LRP5: variants seen among roughly 807,000 people sequenced by gnomAD.
LRP5 encodes the protein LDL receptor related protein 5.
LRP5 carries 62 observed loss-of-function variants against 154.1 expected under a neutral mutation model. That is an observed-to-expected ratio of 0.40 (90% CI 0.33 to 0.50). The LOEUF (loss-of-function observed/expected upper bound fraction) is 0.50, where lower values mean the gene tolerates loss of function less well. Ranked by LOEUF, LRP5 falls within the 20% of genes least tolerant of loss-of-function variation. The probability of loss-of-function intolerance (pLI) is 0.55; values close to 1 mark genes in which losing one functional copy is unlikely to be tolerated. For missense variants in LRP5, 1,915 were observed against 2,336.7 expected, an observed-to-expected ratio of 0.82 and a Z score of 3.72; for synonymous variants, 966 against 1,011.5, an observed-to-expected ratio of 0.96 and a Z score of 0.85.
intron 1 of LRP5, among the ~76,000 whole-genome samples, chr11:68,338,510 C>T (rs548574835): frequency 2.6e-5 from 4 of 152,172 alleles, no homozygotes; most frequent in Admixed American, 6.5e-5. Context: ...GGAGGGGCCA[C>T]GAGCTGGCCT....
chr11:68,340,643 C>T (rs1464642539), intron 1 of LRP5, among the ~76,000 whole-genome samples: 4 of 152,042 alleles, frequency 2.6e-5, no homozygotes, highest in Admixed American at 1.3e-4. Context: ...TGGAGTCTGC[C>T]GTCTGCTCTG....
At chr11:68,443,532 C>T (rs1175870673) in intron 21 of LRP5, among the ~76,000 whole-genome samples, 1 of 73,280 alleles carries the variant, frequency 1.4e-5, no homozygotes, top group African/African-American at 4.8e-5. Flanking sequence ...TTATCAATCT[C>T]CTCTTTTATG....
At chr11:68,392,807 A>G (rs1477439698) in intron 7 of LRP5, among the ~76,000 whole-genome samples, 1 of 151,974 alleles carries the variant, frequency 6.6e-6, no homozygotes, top group Non-Finnish European at 1.5e-5. Flanking sequence ...TTCCAGATTC[A>G]CCCACACATT....
chr11:68,407,820 C>G (rs960783189), intron 9 of LRP5, among the ~76,000 whole-genome samples: 3 of 151,936 alleles, frequency 2.0e-5, no homozygotes, highest in African/African-American at 7.3e-5. Context: ...GCACTCCAGC[C>G]TGGGCAACCA....
At chr11:68,312,844 C>G in intron 1 of LRP5, 39 bp downstream of exon 1, 1 of 993,530 alleles carries the variant, frequency 1.0e-6, no homozygotes, top group Non-Finnish European at 1.2e-6. Flanking sequence ...GCGGGTTGCT[C>G]GGACAATGGC....
intron 20 of LRP5, 103 bp from the exon 21 acceptor site, chr11:68,439,674 T>G (rs1490318326): frequency 1.6e-6 from 2 of 1,261,464 alleles, no homozygotes; most frequent in African/African-American, 1.5e-5. Flanking sequence ...CGCCCTGGTC[T>G]GAGTCTCGTG....
chr11:68,437,226 C>T (rs993216436), intron 19 of LRP5, among the ~76,000 whole-genome samples: 1 of 152,172 alleles, frequency 6.6e-6, no homozygotes, highest in Non-Finnish European at 1.5e-5. Flanking sequence ...CCTCAGTGGG[C>T]GGGGCTGATG....
At chr11:68,404,453 G>A (rs1408007455) in intron 8 of LRP5, 4 of 497,168 alleles carry the variant, frequency 8.0e-6, no homozygotes, top group South Asian at 3.1e-5. Flanking sequence ...CCCGTCGGGT[G>A]GATGTGATGT....
chr11:68,320,754 G>T (rs2098596296), intron 1 of LRP5, among the ~76,000 whole-genome samples: 1 of 152,154 alleles, frequency 6.6e-6, no homozygotes, highest in Non-Finnish European at 1.5e-5. Context: ...AAGCCACGGT[G>T]CCAGCCTGTT....
At chr11:68,437,910 C>T (rs918616703) in intron 19 of LRP5, among the ~76,000 whole-genome samples, 16 of 152,370 alleles carry the variant, frequency 1.1e-4, no homozygotes, top group Non-Finnish European at 1.9e-4. Flanking sequence ...ACTTCATCGA[C>T]GCCCTCAGGA....
At chr11:68,439,718 G>A (rs2098677061) in intron 20 of LRP5, 59 bp from the exon 21 acceptor site, 11 of 1,570,850 alleles carry the variant, frequency 7.0e-6, no homozygotes, top group Non-Finnish European at 8.7e-6. Context: ...CCCTATGTCT[G>A]TGGGGCGGCT....
intron 5 of LRP5, among the ~76,000 whole-genome samples, chr11:68,381,527 C>T (rs540105073): frequency 7.2e-5 from 11 of 152,160 alleles, no homozygotes; most frequent in East Asian, 3.9e-4. Flanking sequence ...CTTGGCCTCG[C>T]GGAAGGGATG....
chr11:68,426,503 C>T (rs1387576467), intron 16 of LRP5, among the ~76,000 whole-genome samples: 1 of 149,588 alleles, frequency 6.7e-6, no homozygotes, highest in Admixed American at 6.7e-5. Context: ...CAGTTCACTG[C>T]AGCCTCGACC....
intron 1 of LRP5, among the ~76,000 whole-genome samples, chr11:68,343,156 G>A (rs73496735): frequency 0.024 from 3,719 of 152,308 alleles, 144 homozygotes; most frequent in African/African-American, 0.084. Flanking sequence ...TGGCAGGCCC[G>A]GTCCCCCACC....
chr11:68,374,689 C>A (rs972150635), intron 5 of LRP5, among the ~76,000 whole-genome samples: 4 of 152,190 alleles, frequency 2.6e-5, no homozygotes, highest in African/African-American at 7.2e-5. Context: ...TCAACCCCCG[C>A]CCCCTCCACC....
intron 21 of LRP5, among the ~76,000 whole-genome samples, chr11:68,440,223 G>A (rs532434296): frequency 6.6e-6 from 1 of 152,304 alleles, no homozygotes; most frequent in African/African-American, 2.4e-5. Context: ...CCAGCCCATC[G>A]ATAGCCGCCT....
rs563657853 is a variant in LRP5 at position 68,438,618 on chromosome 11, C to T, written c.4284C>T (p.Ser1428=). ...ANGPFPHEYV[S]GTPHVPLNFI... ...GGCCCTTCCCGCACGAGTATGTCAG[C>T]GGGACCCCGCACGTGCCCCTCAATT... Residue 1428 remains serine, a synonymous_variant, in exon 20 of 23, where the codon AGC becomes AGT. Transcript: ENST00000294304. 10 of 1,613,596 alleles carry T rather than the reference C, an allele frequency of 6.2e-6. No individual in the cohort carries two copies. Among genetic ancestry groups the T allele is most frequent in the East Asian group, 2.2e-5 (1 of 44,880 alleles).
intron 10 of LRP5, among the ~76,000 whole-genome samples, chr11:68,410,712 C>G (rs1340647554): frequency 6.6e-6 from 1 of 152,140 alleles, no homozygotes; most frequent in Non-Finnish European, 1.5e-5. Flanking sequence ...GCCTTGGGCA[C>G]GGGGTTCAGA....
intron 6 of LRP5, among the ~76,000 whole-genome samples, chr11:68,387,982 C>T (rs552021137): frequency 2.7e-4 from 41 of 152,246 alleles, no homozygotes; most frequent in African/African-American, 8.7e-4. Context: ...GTGTGCTGGC[C>T]GGGGAGCTTT....
Sources: gnomAD v4.1 joint callset for allele counts (sites outside exome capture counted in the v4.1 genomes callset) on GRCh38, gnomAD v4.1.1 for gene constraint, MANE v1.5 for transcripts, NCBI Gene and HGNC (gene_info 2026-07-23, HGNC 2026-07-21) for gene names.